The following POC1B variants were observed in gnomAD, a reference collection of about 807,000 sequenced individuals.
POC1B encodes POC1 centriolar protein B, also known as POC1 centriolar protein homolog B.
Under a neutral mutation model 60.6 loss-of-function variants are expected in POC1B, and 44 were observed. The observed-to-expected ratio is 0.73, with a 90% CI of 0.57 to 0.93. POC1B has a LOEUF of 0.93. Among genes scored for constraint, POC1B ranks in the 40% least tolerant of loss-of-function variants. The probability of loss-of-function intolerance (pLI) is 0.00; values close to 1 mark genes in which losing one functional copy is unlikely to be tolerated. For synonymous variants in POC1B, 180 were observed against 198.9 expected, an observed-to-expected ratio of 0.90 and a Z score of 0.80; for missense variants, 555 against 572.3, an observed-to-expected ratio of 0.97 and a Z score of 0.31.
chr12:89,415,940 G>C (rs767495911), downstream of POC1B, among the ~76,000 whole-genome samples: 1 of 152,180 alleles, frequency 6.6e-6, no homozygotes, highest in Non-Finnish European at 1.5e-5. Context: ...CCCAAATATC[G>C]AGTGTCTAAA....
intron 10 of POC1B, among the ~76,000 whole-genome samples, chr12:89,447,987 AAGAG>A (rs373564620): frequency 2.0e-5 from 3 of 149,964 alleles, no homozygotes; most frequent in African/African-American, 2.4e-5. Flanking sequence ...GAGGAACACT[AAGAG>A]AGAGAGAGAG....
intron 4 of POC1B, among the ~76,000 whole-genome samples, chr12:89,482,920 C>A (rs1490322347): frequency 6.6e-6 from 1 of 150,914 alleles, no homozygotes; most frequent in African/African-American, 2.4e-5. Flanking sequence ...TACCCTAACG[C>A]TATTCTTTTT....
At chr12:89,524,602 G>T in intron 2 of POC1B, 1 of 1,585,280 alleles carries the variant, frequency 6.3e-7, no homozygotes, top group Non-Finnish European at 8.6e-7. Flanking sequence ...CCACGCAGGG[G>T]AAGGGCGGCG....
chr12:89,522,937 G>T (rs1249820649), intron 2 of POC1B: 2 of 1,614,076 alleles, frequency 1.2e-6, no homozygotes, highest in Non-Finnish European at 1.7e-6. Context: ...GTGAAAAATA[G>T]TTCCATCTTC....
chr12:89,407,245 G>C, the POC1B span, among the ~76,000 whole-genome samples: 1 of 151,590 alleles, frequency 6.6e-6, no homozygotes, highest in African/African-American at 2.4e-5. Context: ...TGTGTCGGAG[G>C]GTGGGCGGAT....
the POC1B span, among the ~76,000 whole-genome samples, chr12:89,410,713 A>T: frequency 7.2e-5 from 11 of 152,072 alleles, no homozygotes; most frequent in Non-Finnish European, 1.5e-4. Flanking sequence ...AACTGGCACA[A>T]GACAAGGATC....
intron 2 of POC1B, chr12:89,521,805 T>C (rs1870901636): frequency 5.1e-6 from 2 of 391,962 alleles, no homozygotes; most frequent in Non-Finnish European, 9.0e-6. Flanking sequence ...CTTTTTTCCT[T>C]GCATTTTTAA....
chr12:89,446,532 C>T (rs1181239956), intron 10 of POC1B, among the ~76,000 whole-genome samples: 1 of 152,110 alleles, frequency 6.6e-6, no homozygotes, highest in Non-Finnish European at 1.5e-5. Context: ...TGTTCTCACT[C>T]ATAGGTGGGA....
Position 89,425,270 on chromosome 12 carries a change from T to C in POC1B, c.1223A>G (p.Lys408Arg). ...SPECLPTTTK[K>R]KTEDMSDLPC... ...GAGGTCACTCATGTCTTCTGTTTTC[T>C]TTTTCGTGGTTGTTGGCAAACATTC... The change falls in exon 11 of 12, where the codon AAG (lysine) becomes AGG (arginine). Residue 408 changes from lysine (K) to arginine (R), a missense_variant. Physicochemically the swap from Lys to Arg is conservative, Grantham distance 26. Coordinates refer to ENST00000313546, the MANE Select transcript of POC1B (RefSeq NM_172240.3). The C allele has an allele frequency of 6.2e-7, 1 of 1,614,166 alleles. No homozygotes were observed. Among genetic ancestry groups the C allele is most frequent in the Non-Finnish European group, 8.5e-7 (1 of 1,180,024 alleles).
intron 2 of POC1B, among the ~76,000 whole-genome samples, chr12:89,498,193 A>G (rs1046497352): frequency 1.3e-5 from 2 of 152,232 alleles, no homozygotes; most frequent in Admixed American, 6.5e-5. Context: ...TTTCTGCTCT[A>G]TAATTTAATG....
At chr12:89,424,915 C>T (rs1880694906) in intron 11 of POC1B, among the ~76,000 whole-genome samples, 1 of 152,096 alleles carries the variant, frequency 6.6e-6, no homozygotes, top group African/African-American at 2.4e-5. Flanking sequence ...TTTCTTATGG[C>T]TCTAAATATT....
At chr12:89,426,825 A>C (rs1006260285) in intron 10 of POC1B, 1 of 147,576 alleles carries the variant, frequency 6.8e-6, no homozygotes, top group Non-Finnish European at 1.5e-5. Flanking sequence ...CCATGTTTCA[A>C]AAAAAAAAAA....
chr12:89,510,751 T>A (rs1870137533), intron 2 of POC1B, among the ~76,000 whole-genome samples: 1 of 127,184 alleles, frequency 7.9e-6, no homozygotes, highest in African/African-American at 3.0e-5. Flanking sequence ...GAGGAAGAAA[T>A]ATGTTTTTAT....
In POC1B at chr12:89,497,265, T is replaced by G. The variant is rs1484103726; in HGVS notation, c.178A>C (p.Lys60Gln). 3.1e-6 allele frequency: 5 copies of G among 1,613,550 alleles called. No homozygotes were observed. ...AACTGCACGCTGGTTACAACATCCT[T>G]GTGACCCACATATCTGTAAGCTCTA... is the stretch of plus-strand genomic sequence containing the variant. Reference protein sequence around the residue: ...HARAYRYVGHKDVVTSVQFSP... With the variant: ...HARAYRYVGHQDVVTSVQFSP... Residue 60 changes from lysine (K) to glutamine (Q), a missense_variant, in exon 3 of 12, where the codon AAG (lysine) becomes CAG (glutamine). Transcript: ENST00000313546.
intron 9 of POC1B, among the ~76,000 whole-genome samples, chr12:89,463,544 C>T (rs1452768932): frequency 1.3e-5 from 2 of 152,148 alleles, no homozygotes; most frequent in Non-Finnish European, 2.9e-5. Flanking sequence ...TGTGCTATAG[C>T]ACAACATGGG....
chr12:89,455,114 A>T (rs1258892011), intron 10 of POC1B, among the ~76,000 whole-genome samples: 1 of 152,144 alleles, frequency 6.6e-6, no homozygotes, highest in African/African-American at 2.4e-5. Flanking sequence ...TGGGTGGATC[A>T]CTTGAGGTCA....
chr12:89,418,963 G>A (rs1880420932), downstream of POC1B, among the ~76,000 whole-genome samples: 1 of 152,178 alleles, frequency 6.6e-6, no homozygotes, highest in South Asian at 2.1e-4. Context: ...TTGGATCATG[G>A]TGGGAAATGA....
At chr12:89,426,924 C>T (rs1880791090) in intron 10 of POC1B, 2 of 151,940 alleles carry the variant, frequency 1.3e-5, no homozygotes, top group African/African-American at 4.8e-5. Context: ...CATCCCATAT[C>T]CCAAATTTAT....
At chr12:89,434,274 T>G (rs775957292) in intron 10 of POC1B, among the ~76,000 whole-genome samples, 3 of 152,236 alleles carry the variant, frequency 2.0e-5, no homozygotes, top group Non-Finnish European at 4.4e-5. Flanking sequence ...AATTGGAAAT[T>G]GCATTTTTAT....
Sources: allele counts gnomAD v4.1 joint callset (sites outside exome capture counted in the v4.1 genomes callset), GRCh38; gene constraint gnomAD v4.1.1; transcripts MANE v1.5; gene names NCBI Gene and HGNC (gene_info 2026-07-23, HGNC 2026-07-21).